Variants in NTRK2 observed in about 807,000 individuals in gnomAD.
NTRK2 encodes neurotrophic receptor tyrosine kinase 2.
A neutral mutation model predicts 94.5 loss-of-function variants in NTRK2; 13 were observed. The ratio of observed to expected loss-of-function variants is 0.14; its 90% confidence interval spans 0.09 to 0.22. The LOEUF (loss-of-function observed/expected upper bound fraction) is 0.22. NTRK2 is among the 10% of genes least tolerant of loss of function. The pLI is 1.00. For synonymous variants in NTRK2, 372 were observed against 407.4 expected (o/e 0.91, Z 1.05); for missense variants, 639 against 1,071.2 (o/e 0.60, Z 5.63).
chr9:84,993,493 T>C (rs945553841), intron 17 of NTRK2, among the ~76,000 whole-genome samples: 5 of 152,214 alleles, frequency 3.3e-5, no homozygotes, highest in African/African-American at 1.2e-4. Context: ...AGCATCCTAC[T>C]CTGAGCCATC....
In NTRK2 at chr9:85,020,221, A is replaced by G; in HGVS notation, c.2188A>G (p.Met730Val). The change falls in exon 18 of 19, where the codon ATG (methionine) becomes GTG (valine). Residue 730 changes from methionine to valine, a missense_variant. This residue lies in a region of NTRK2 where 77 missense variants were observed against 203.6 expected (regional missense o/e 0.38). Coordinates refer to ENST00000277120, the MANE Select transcript of NTRK2 (RefSeq NM_006180.6). ...TTCTCCCCAGGTCGGTGGCCACACA[A>G]TGCTGCCCATTCGCTGGATGCCTCC... ...TDYYRVGGHT[M>V]LPIRWMPPES... 1 of 1,614,112 alleles carries G rather than the reference A, an allele frequency of 6.2e-7. No homozygotes were observed. The highest frequency in any genetic ancestry group is 1.1e-5 in the South Asian group (1 of 91,076).
intron 17 of NTRK2, among the ~76,000 whole-genome samples, chr9:85,006,846 A>G (rs1831022282): frequency 6.6e-6 from 1 of 152,104 alleles, no homozygotes; most frequent in Non-Finnish European, 1.5e-5. Context: ...GCTACTGTCC[A>G]TTTTGCCTTT....
chr9:84,984,502 C>CA (rs78564107), intron 17 of NTRK2, among the ~76,000 whole-genome samples: 109,492 of 151,404 alleles, frequency 0.72, 40,089 homozygotes, highest in African/African-American at 0.8. Flanking sequence ...AAACAAAAAA[C>CA]AAAAAAAAGA....
At chr9:84,712,876 G>A (rs2061498088) in intron 6 of NTRK2, among the ~76,000 whole-genome samples, 1 of 152,032 alleles carries the variant, frequency 6.6e-6, no homozygotes, top group Non-Finnish European at 1.5e-5. Flanking sequence ...GTTCCATATT[G>A]ACGAGCATTT....
chr9:84,873,442 A>C, intron 14 of NTRK2: 1 of 1,059,740 alleles, frequency 9.4e-7, no homozygotes, highest in Non-Finnish European at 1.1e-6. Context: ...GGGAGCCTTC[A>C]TGGCACATTG....
chr9:84,733,179 C>T (rs2063012380), intron 9 of NTRK2, among the ~76,000 whole-genome samples: 1 of 152,182 alleles, frequency 6.6e-6, no homozygotes, highest in Non-Finnish European at 1.5e-5. Flanking sequence ...ATGGAAGCCC[C>T]TTGGTGGGGT....
chr9:84,915,230 G>T (rs58061269), intron 14 of NTRK2, among the ~76,000 whole-genome samples: 10 of 152,068 alleles, frequency 6.6e-5, no homozygotes, highest in African/African-American at 2.2e-4. Flanking sequence ...TAGTCAGGGG[G>T]TTGGGGACCC....
intron 17 of NTRK2, among the ~76,000 whole-genome samples, chr9:84,973,553 T>G (rs17332747): frequency 0.022 from 3,310 of 152,340 alleles, 62 homozygotes; most frequent in Non-Finnish European, 0.029. Context: ...AAGGTTGACC[T>G]GCTGACAAAC....
chr9:84,962,327 C>A (rs562094228), intron 17 of NTRK2, among the ~76,000 whole-genome samples: 1 of 152,268 alleles, frequency 6.6e-6, no homozygotes, highest in East Asian at 1.9e-4. Flanking sequence ...ATGCAGAAAT[C>A]CTCAGAGCCT....
chr9:84,671,557 G>A (rs1291826465), intron 2 of NTRK2, among the ~76,000 whole-genome samples: 8 of 152,162 alleles, frequency 5.3e-5, no homozygotes, highest in East Asian at 1.9e-4. Context: ...AAATGCACTC[G>A]CTCAAAAGAA....
At chr9:84,975,149 G>A (rs755734995) in intron 17 of NTRK2, among the ~76,000 whole-genome samples, 1 of 152,088 alleles carries the variant, frequency 6.6e-6, no homozygotes, top group Non-Finnish European at 1.5e-5. Flanking sequence ...GAGGAAGGAA[G>A]GTTCCTTTGA....
chr9:84,994,656 G>T (rs540245583), intron 17 of NTRK2, among the ~76,000 whole-genome samples: 1 of 152,276 alleles, frequency 6.6e-6, no homozygotes, highest in South Asian at 2.1e-4. Context: ...TTAGACTTTG[G>T]AATTCAAGCA....
chr9:84,874,392 T>TC (rs2075990220), intron 14 of NTRK2: 1 of 1,065,360 alleles, frequency 9.4e-7, no homozygotes, highest in African/African-American at 1.6e-5. Context: ...ATGCAGCTTT[T>TC]CTCTGTCTTT....
At chr9:84,913,345 A>G (rs919326744) in intron 14 of NTRK2, among the ~76,000 whole-genome samples, 1 of 152,126 alleles carries the variant, frequency 6.6e-6, no homozygotes, top group Non-Finnish European at 1.5e-5. Context: ...AATCATCTTT[A>G]TTCCACTTTA....
chr9:84,811,975 T>C, intron 12 of NTRK2: 1 of 1,053,640 alleles, frequency 9.5e-7, no homozygotes, highest in Non-Finnish European at 1.1e-6. Flanking sequence ...TGCAGCATTT[T>C]GTTTGAAAAC....
At chr9:84,685,489 C>T (rs2059656061) in intron 2 of NTRK2, among the ~76,000 whole-genome samples, 1 of 151,922 alleles carries the variant, frequency 6.6e-6, no homozygotes, top group African/African-American at 2.4e-5. Context: ...CCTAGCTCCC[C>T]TGCTTGATAG....
At chr9:84,809,990 A>G (rs1325677399) in intron 12 of NTRK2, among the ~76,000 whole-genome samples, 1 of 152,210 alleles carries the variant, frequency 6.6e-6, no homozygotes, top group African/African-American at 2.4e-5. Context: ...TTGCTGAGTA[A>G]CTAATCAGTT....
chr9:84,685,982 G>A (rs1403320966), intron 2 of NTRK2, among the ~76,000 whole-genome samples: 2 of 152,148 alleles, frequency 1.3e-5, no homozygotes, highest in Non-Finnish European at 2.9e-5. Context: ...AGTTCTCTGT[G>A]TTACACAAAT....
rs201857335 is a variant in NTRK2, at chr9:84,876,265, C to A, written c.1633+8834C>A. ...ATAGTGTGCAGTTATATCAAAACAG[C>A]TAGTCTCCACTTTAGGGAATGCCTT... is the stretch of plus-strand genomic sequence containing the variant. On this transcript the variant is annotated intron_variant, in intron 14 of 18. Transcript: ENST00000277120. 3 of 1,043,590 alleles carry A rather than the reference C, an allele frequency of 2.9e-6. No individual in the cohort carries two copies. In the South Asian group the frequency reaches 1.4e-4, roughly 48 times the overall value. 64.6% of individuals were successfully genotyped at this position (1,043,590 alleles called of 1,614,324 possible). A position where few individuals can be genotyped will look rare whatever the true frequency, so the allele number is the denominator to read the frequency against.
Sources: allele counts gnomAD v4.1 joint callset (sites outside exome capture counted in the v4.1 genomes callset), GRCh38; gene constraint gnomAD v4.1.1; regional missense constraint gnomAD v4.1.1; transcripts MANE v1.5; gene names NCBI Gene and HGNC (gene_info 2026-07-23, HGNC 2026-07-21).